The following EPS8L1 variants were observed in gnomAD, a reference collection of about 807,000 sequenced individuals.
EPS8L1 encodes the protein epidermal growth factor receptor kinase substrate 8-like protein 1.
A neutral mutation model predicts 91.7 loss-of-function variants in EPS8L1; 101 were observed. The observed-to-expected ratio is 1.10, with a 90% CI of 0.94 to 1.30. The LOEUF (loss-of-function observed/expected upper bound fraction) is 1.30. Among genes scored for constraint, EPS8L1 ranks in the 50% most tolerant of loss-of-function variants. EPS8L1 has a pLI of 0.00. For synonymous variants in EPS8L1, 506 were observed against 445.3 expected (o/e 1.14, Z -1.72); for missense variants, 1,114 against 1,017.0 (o/e 1.10, Z -1.30).
chr19:55,077,494 G>C (rs1180310757), intron 2 of EPS8L1, among the ~76,000 whole-genome samples: 1 of 151,936 alleles, frequency 6.6e-6, no homozygotes. Flanking sequence ...ATGGCAAGGA[G>C]GCAGTAGACA....
At position 55,085,845 on chromosome 19, in the gene EPS8L1, C is replaced by CGAGACT. The variant is rs1568796696; in HGVS notation, c.1391_1396dup (p.Asp465_Leu466insTer). ...AACCCTCCCGCTTCTCCTCAGTCAC[C>CGAGACT]GAGACTTGGAGCCAGAATCTGAGCC... On this transcript the variant is annotated stop_gained and inframe_insertion, in exon 15 of 20. Transcript: ENST00000201647. LOFTEE classifies it high-confidence loss of function. 1 of 1,612,346 alleles carries CGAGACT rather than the reference C, an allele frequency of 6.2e-7. No individual in the cohort carries two copies. The highest frequency in any genetic ancestry group is 1.1e-5 in the South Asian group (1 of 90,992).
At chr19:55,087,499 G>C (rs1300783686) in intron 19 of EPS8L1, 29 bp from the exon 20 acceptor site, 2 of 1,614,198 alleles carry the variant, frequency 1.2e-6, no homozygotes, top group Admixed American at 1.7e-5. Context: ...CGGACGCCAG[G>C]ACAAAGCGAT....
chr19:55,081,098 T>TC lies in EPS8L1; in HGVS notation c.513-132dup. On this transcript the variant is annotated intron_variant, in intron 7 of 19. Coordinates refer to ENST00000201647, the MANE Select transcript of EPS8L1 (RefSeq NM_133180.3). This position sits in a 1 kb window ranked among gnomAD's most constrained non-coding sequence, Gnocchi z 4.9. The stretch of plus-strand genomic sequence containing the variant: ...GTGCTATCCCTCCGTATATCGGATT[T>TC]CTCCCTACCTCGTTGAACTTGTTCA... 1 of 1,169,872 alleles carries TC rather than the reference T, an allele frequency of 8.5e-7. No homozygotes were observed. The highest frequency in any genetic ancestry group is 1.2e-6 in the Non-Finnish European group (1 of 860,202). 72.5% of individuals were successfully genotyped at this position (1,169,872 alleles called of 1,614,324 possible). A position where few individuals can be genotyped will look rare whatever the true frequency, so the allele number is the denominator to read the frequency against.
At chr19:55,086,989 C>CA (rs1236230502) in intron 18 of EPS8L1, 101 bp downstream of exon 18, 1 of 1,370,762 alleles carries the variant, frequency 7.3e-7, no homozygotes, top group African/African-American at 1.5e-5. Flanking sequence ...GTGGAGACCA[C>CA]AGGGAGCCGG....
Position 55,080,227 on chromosome 19 carries a change from A to T in EPS8L1, c.378A>T (p.Glu126Asp). 1.3e-6 allele frequency: 2 copies of T among 1,538,478 alleles called. No homozygotes were observed. Among genetic ancestry groups the T allele is most frequent in the Non-Finnish European group, 1.8e-6 (2 of 1,138,000 alleles). Residue 126 changes from glutamate to aspartate, a missense_variant, in exon 6 of 20, where the codon GAA becomes GAT. Glu to Asp is a conservative substitution (Grantham distance 45). Transcript: ENST00000201647. ...CGTTGCTGCTGCTCGTGTGCCAGGAACCCGAGCGCGCGCAGCCCGACGTGC... is the reference window on the plus strand; with the variant it reads ...CGTTGCTGCTGCTCGTGTGCCAGGATCCCGAGCGCGCGCAGCCCGACGTGC... ...SRSLLLLVCQ[E>D]PERAQPDVHF...
chr19:55,079,747 T>C lies in EPS8L1; in HGVS notation c.175T>C (p.Ser59Pro). The C allele has an allele frequency of 6.2e-7, 1 of 1,614,126 alleles. No homozygotes were observed. The highest frequency in any genetic ancestry group is 8.5e-7 in the Non-Finnish European group (1 of 1,180,014). ...DDGVHTVEDA[S>P]RKLAVMDSQG... is the part of the protein sequence containing the mutation. ...TGGCGTGCATACCGTGGAGGATGCC[T>C]CCAGGAAGTTGGCCGTCATGGATAG... Residue 59 changes from serine to proline, a missense_variant, in exon 5 of 20, where the codon TCC (serine) becomes CCC (proline). Ser to Pro is a moderately conservative substitution (Grantham distance 74, BLOSUM62 -1). Transcript: ENST00000201647.
Position 55,085,961 on chromosome 19 carries a change from G to C in EPS8L1, c.1506G>C (p.Arg502=). 6.2e-7 allele frequency: 1 copy of C among 1,613,422 alleles called. No individual in the cohort carries two copies. Among genetic ancestry groups the C allele is most frequent in the Non-Finnish European group, 8.5e-7 (1 of 1,179,424 alleles). Reference sequence around the variant, plus strand: ...GCAGTGAGCTGTCGGTCAAGCAGCGGGACGTACTGGAGGTTAGAGGAGCGG... The same window carrying C: ...GCAGTGAGCTGTCGGTCAAGCAGCGCGACGTACTGGAGGTTAGAGGAGCGG... ...RNSSELSVKQ[R]DVLEVLDDSR... is the part of the protein sequence containing the mutation. Residue 502 remains arginine, a synonymous_variant, in exon 15 of 20, where the codon CGG becomes CGC. Coordinates refer to ENST00000201647, the MANE Select transcript of EPS8L1 (RefSeq NM_133180.3).
In EPS8L1 at chr19:55,083,423, C is replaced by A; in HGVS notation, c.1260C>A (p.Phe420Leu). 3 of 1,612,942 alleles carry A rather than the reference C, an allele frequency of 1.9e-6. No individual in the cohort carries two copies. Among genetic ancestry groups the A allele is most frequent in the Non-Finnish European group, 2.5e-6 (3 of 1,179,922 alleles). ...AGGGACCCCCATACAGACCCGAGTT[C>A]TTCAGCGGCTGGGAGCCGCCGGTCA... ...PEEGPPYRPE[F>L]FSGWEPPVTD... is the part of the protein sequence containing the mutation. The change falls in exon 13 of 20, where the codon TTC becomes TTA. Residue 420 changes from phenylalanine to leucine, a missense_variant. Transcript: ENST00000201647. The surrounding 1 kb of genome is among the most constrained non-coding windows in gnomAD (Gnocchi z 4.7).
chr19:55,082,356 C>A lies in EPS8L1; in HGVS notation c.1065+7C>A, dbSNP rs765197402. ...TTTCGGGCCTCTGCAGATGGTGAGA[C>A]CCGCCCCAGGCCCTCGGGCCCCCCT... is the stretch of plus-strand genomic sequence containing the variant. On this transcript the variant is annotated splice_region_variant and intron_variant, in intron 11 of 19. Transcript: ENST00000201647. The A allele has an allele frequency of 6.8e-6, 11 of 1,612,638 alleles. No individual in the cohort carries two copies. Among genetic ancestry groups the A allele is most frequent in the Non-Finnish European group, 9.3e-6 (11 of 1,179,878 alleles).
In EPS8L1 at chr19:55,079,970, CCTT is replaced by C. The variant is rs2076219202; in HGVS notation, c.279+123_279+125del. ...GAACTCTGGCGAGGGACCCCAGCCC[CCTT>C]CTTGAGCCTTAATAGCCTCATCTAT... is the stretch of plus-strand genomic sequence containing the variant. On this transcript the variant is annotated intron_variant, in intron 5 of 19. Coordinates refer to ENST00000201647, the MANE Select transcript of EPS8L1 (RefSeq NM_133180.3). 3.5e-6 allele frequency: 5 copies of C among 1,443,328 alleles called. No homozygotes were observed. In the African/African-American group the frequency reaches 7.1e-5, roughly 21 times the overall value. 89.4% of individuals were successfully genotyped at this position (1,443,328 alleles called of 1,614,324 possible). A position where few individuals can be genotyped will look rare whatever the true frequency, so the allele number is the denominator to read the frequency against.
rs940532637 is a variant in EPS8L1, at chr19:55,087,546, G to C, written c.2104G>C (p.Glu702Gln). The change falls in exon 20 of 20, where the codon GAG becomes CAG. Residue 702 changes from glutamate to glutamine, a missense_variant. Transcript: ENST00000201647. ...CCTCCAGGACAAAGAGAAAGTGTCA[G>C]AGCTGGAGGCAGTGATGGAGAAGCA... ...SLLEDKEKVS[E>Q]LEAVMEKQKK... 1.4e-5 allele frequency: 22 copies of C among 1,614,188 alleles called. No individual in the cohort carries two copies. The highest frequency in any genetic ancestry group is 1.6e-4 in the Middle Eastern group (1 of 6,062).
At position 55,079,024 on chromosome 19, in the gene EPS8L1, T is replaced by C; in HGVS notation, c.84T>C (p.Val28=). The C allele has an allele frequency of 6.2e-7, 1 of 1,613,948 alleles. No homozygotes were observed. The highest frequency in any genetic ancestry group is 2.2e-5 in the East Asian group (1 of 44,864). Residue 28 remains valine, a synonymous_variant, in exon 4 of 20, where the codon GTT becomes GTC. Coordinates refer to ENST00000201647, the MANE Select transcript of EPS8L1 (RefSeq NM_133180.3). The part of the protein sequence containing the change: ...IYEQRKRYST[V]VMADVSQYPV... ...AGCAGAGGAAGCGTTACTCCACAGT[T>C]GTTATGGCTGATGTATCCCAGTACC...
At position 55,081,024 on chromosome 19, in the gene EPS8L1, GCTT is replaced by G. The variant is rs1282882096; in HGVS notation, c.512+174_512+176del. 24 of 909,794 alleles carry G rather than the reference GCTT, an allele frequency of 2.6e-5. No individual in the cohort carries two copies. The highest frequency in any genetic ancestry group is 1.8e-4 in the African/African-American group (11 of 59,648). The allele number at this position is 909,794 out of a possible 1,614,324, so 56.4% of individuals were successfully genotyped here. ...GAGCTGACCCCTTCTCCAGAACTCTGCTTCTTTTCTCTGTTCCCTGTCCAGGCC... is the reference window on the plus strand; with the variant it reads ...GAGCTGACCCCTTCTCCAGAACTCTGCTTTTCTCTGTTCCCTGTCCAGGCC... On this transcript the variant is annotated intron_variant, in intron 7 of 19. Transcript: ENST00000201647. This position sits in a 1 kb window ranked among gnomAD's most constrained non-coding sequence, Gnocchi z 4.9.
rs150625451 is a variant in EPS8L1, at chr19:55,082,741, G to A, written c.1214+139G>A. 8.1e-3 allele frequency: 6,559 copies of A among 808,656 alleles called. 42 individuals carry two copies. The highest frequency in any genetic ancestry group is 0.012 in the Admixed American group (397 of 34,412). The allele number at this position is 808,656 out of a possible 1,614,324, so 50.1% of individuals were successfully genotyped here. ...AGGCGTGGCTTAGTTGTGTTGGGGC[G>A]GGGCTTAGGACAGATGCCAAGATTC... is the stretch of plus-strand genomic sequence containing the variant. On this transcript the variant is annotated intron_variant, in intron 12 of 19. Transcript: ENST00000201647.
At chr19:55,076,109 AC>A (rs2076122935) in intron 1 of EPS8L1, among the ~76,000 whole-genome samples, 190 bp downstream of exon 1, 29 of 124,464 alleles carry the variant, frequency 2.3e-4, no homozygotes, top group South Asian at 4.9e-4. Flanking sequence ...GAGGGCCTGG[AC>A]TCCTGGGTCT....
At position 55,082,600 on chromosome 19, in the gene EPS8L1, CG is replaced by C; in HGVS notation, c.1214+1del. On this transcript the variant is annotated frameshift_variant and splice_region_variant, in exon 12 of 20. Coordinates refer to ENST00000201647, the MANE Select transcript of EPS8L1 (RefSeq NM_133180.3). LOFTEE classifies it high-confidence loss of function. ...TSLGDSWTRP[G>X]LELSPEEGPP... Reference sequence around the variant, plus strand: ...CGCTGGGGGACTCGTGGACCCGCCCCGGGTGAGGGGCGGGGCTGGGAGGCAG... The same window carrying C: ...CGCTGGGGGACTCGTGGACCCGCCCCGGTGAGGGGCGGGGCTGGGAGGCAG... The C allele has an allele frequency of 6.4e-7, 1 of 1,559,962 alleles. No homozygotes were observed. Among genetic ancestry groups the C allele is most frequent in the Non-Finnish European group, 8.7e-7 (1 of 1,152,876 alleles).
chr19:55,085,772 C>G, intron 14 of EPS8L1, 69 bp from the exon 15 acceptor site: 2 of 1,555,690 alleles, frequency 1.3e-6, no homozygotes, highest in Non-Finnish European at 1.7e-6. Context: ...CAGCTCACAC[C>G]AGCACCCTGC....
In EPS8L1 at chr19:55,081,685, G is replaced by A; in HGVS notation, c.775-88G>A. On this transcript the variant is annotated intron_variant, in intron 8 of 19. Coordinates refer to ENST00000201647, the MANE Select transcript of EPS8L1 (RefSeq NM_133180.3). This position sits in a 1 kb window ranked among gnomAD's most constrained non-coding sequence, Gnocchi z 4.9. ...TGTTTGGGGCGTGGCCTGATCTGGG[G>A]AAGTGTATAGGTGCTCAGGTTCAGG... 6.6e-7 allele frequency: 1 copy of A among 1,518,400 alleles called. No homozygotes were observed. Among genetic ancestry groups the A allele is most frequent in the African/African-American group, 1.4e-5 (1 of 71,896 alleles). 94.1% of individuals were successfully genotyped at this position (1,518,400 alleles called of 1,614,324 possible).
At chr19:55,086,690 T>TAC (rs1487279751) in intron 17 of EPS8L1, 24 bp from the exon 18 acceptor site, 1 of 1,321,176 alleles carries the variant, frequency 7.6e-7, no homozygotes, top group East Asian at 4.5e-5. Context: ...CCGCACTCCC[T>TAC]ACCTCCCGGT....
Sources: gnomAD v4.1 joint callset for allele counts (sites outside exome capture counted in the v4.1 genomes callset) on GRCh38, gnomAD v4.1.1 for gene constraint, Gnocchi (gnomAD v3.1) non-coding constraint, MANE v1.5 for transcripts, NCBI Gene and HGNC (gene_info 2026-07-23, HGNC 2026-07-21) for gene names.